The following CPA6 variants were observed in gnomAD, a reference collection of about 807,000 sequenced individuals.
CPA6 encodes carboxypeptidase A6, also known as carboxypeptidase B.
CPA6 carries 58 observed loss-of-function variants against 63.3 expected under a neutral mutation model. That is an observed-to-expected ratio of 0.92 (90% CI 0.74 to 1.14). The LOEUF (loss-of-function observed/expected upper bound fraction) is 1.14, where lower values mean the gene tolerates loss of function less well. Among genes scored for constraint, CPA6 ranks in the 50% most tolerant of loss-of-function variants. The pLI is 0.00. For missense variants in CPA6, 565 were observed against 526.6 expected (o/e 1.07, Z -0.71); for synonymous variants, 185 against 179.0 (o/e 1.03, Z -0.27).
chr8:67,708,158 G>A (rs1817177487), intron 1 of CPA6, among the ~76,000 whole-genome samples: 1 of 152,098 alleles, frequency 6.6e-6, no homozygotes, highest in African/African-American at 2.4e-5. Context: ...GCTTTAAAAA[G>A]TCTTATGTGA....
intron 8 of CPA6, among the ~76,000 whole-genome samples, chr8:67,468,326 T>C (rs962739974): frequency 6.6e-6 from 1 of 151,974 alleles, no homozygotes; most frequent in Non-Finnish European, 1.5e-5. Flanking sequence ...GGCACACCTG[T>C]AATCCCAGCA....
intron 2 of CPA6, among the ~76,000 whole-genome samples, chr8:67,521,538 A>C (rs1205752823): frequency 6.6e-6 from 1 of 152,226 alleles, no homozygotes; most frequent in South Asian, 2.1e-4. Flanking sequence ...ACTGTTTCTT[A>C]TTATTGCTAT....
intron 1 of CPA6, among the ~76,000 whole-genome samples, chr8:67,712,911 C>A (rs1451303052): frequency 6.6e-6 from 1 of 151,566 alleles, no homozygotes; most frequent in Non-Finnish European, 1.5e-5. Flanking sequence ...TTATTAGGTC[C>A]ACTGTATTAC....
At chr8:67,429,983 A>C (rs1033024012) in intron 9 of CPA6, among the ~76,000 whole-genome samples, 3 of 152,038 alleles carry the variant, frequency 2.0e-5, no homozygotes, top group East Asian at 1.9e-4. Context: ...TTTTCCAAGA[A>C]TTATTTTCCA....
intron 2 of CPA6, among the ~76,000 whole-genome samples, chr8:67,545,668 C>G (rs1182134066): frequency 6.8e-6 from 1 of 147,314 alleles, no homozygotes; most frequent in Non-Finnish European, 1.5e-5. Flanking sequence ...TGGGTTCAAG[C>G]AATTCTGCCT....
intron 2 of CPA6, among the ~76,000 whole-genome samples, chr8:67,616,501 ATG>A (rs4009134): frequency 0.19 from 23,904 of 126,442 alleles, 1,865 homozygotes; most frequent in South Asian, 0.22. Flanking sequence ...GGCAAATTGA[ATG>A]TGTGTGTGTG....
chr8:67,474,074 G>A (rs1207563871), intron 8 of CPA6, among the ~76,000 whole-genome samples: 1 of 152,152 alleles, frequency 6.6e-6, no homozygotes, highest in Non-Finnish European at 1.5e-5. Context: ...ATGGTAGCAG[G>A]CAGTAGGACC....
At chr8:67,687,900 C>T (rs965172183) in intron 1 of CPA6, among the ~76,000 whole-genome samples, 4 of 152,162 alleles carry the variant, frequency 2.6e-5, no homozygotes, top group Admixed American at 2.0e-4. Flanking sequence ...TTTAATACTA[C>T]AGTCAGCCCT....
chr8:67,727,316 A>G (rs1424313262), intron 1 of CPA6, among the ~76,000 whole-genome samples: 1 of 152,164 alleles, frequency 6.6e-6, no homozygotes, highest in African/African-American at 2.4e-5. Context: ...TGGGGCTCAC[A>G]GAATACCCCA....
intron 1 of CPA6, among the ~76,000 whole-genome samples, chr8:67,717,538 T>C (rs369591813): frequency 2.0e-5 from 3 of 152,236 alleles, no homozygotes; most frequent in African/African-American, 7.2e-5. Context: ...CCATATGGTG[T>C]ATATTCTTTG....
intron 2 of CPA6, among the ~76,000 whole-genome samples, chr8:67,531,643 T>G (rs1248557905): frequency 6.6e-6 from 1 of 152,154 alleles, no homozygotes; most frequent in Non-Finnish European, 1.5e-5. Flanking sequence ...ACTAATAATC[T>G]GAATGCATCC....
chr8:67,459,930 G>A, intron 8 of CPA6, among the ~76,000 whole-genome samples: 1 of 152,142 alleles, frequency 6.6e-6, no homozygotes, highest in East Asian at 1.9e-4. Flanking sequence ...CATGTGTAGG[G>A]GCAGTAGGTA....
At chr8:67,484,109 G>A (rs1406693214) in intron 7 of CPA6, among the ~76,000 whole-genome samples, 4 of 150,588 alleles carry the variant, frequency 2.7e-5, no homozygotes, top group African/African-American at 4.9e-5. Context: ...TCGCTCTATC[G>A]CCCTGGCTGG....
intron 1 of CPA6, among the ~76,000 whole-genome samples, chr8:67,689,911 T>C (rs1816782062): frequency 6.6e-6 from 1 of 152,224 alleles, no homozygotes; most frequent in Non-Finnish European, 1.5e-5. Context: ...AAGCATTCCC[T>C]TTTCTCTACA....
At chr8:67,446,239 T>G (rs192977549) in intron 8 of CPA6, among the ~76,000 whole-genome samples, 1 of 149,554 alleles carries the variant, frequency 6.7e-6, no homozygotes, top group Non-Finnish European at 1.5e-5. Flanking sequence ...CACTCCAGCC[T>G]GGGAGACAGA....
At position 67,441,867 on chromosome 8, in the gene CPA6, T is replaced by A. The variant is rs188836443; in HGVS notation, c.839-7627A>T. On this transcript the variant is annotated intron_variant, in intron 8 of 10. Transcript: ENST00000297770. ...TCTCTGACCCTTTTCCTTCACATCA[T>A]CCTTCTAGATGGACTTACAGAGCAT... Among the ~76,000 whole-genome samples the A allele has an allele frequency of 2.3e-3, 357 of 152,278 alleles. 1 individual carries two copies. Among genetic ancestry groups the A allele is most frequent in the African/African-American group, 8.4e-3 (347 of 41,556 alleles).
intron 3 of CPA6, among the ~76,000 whole-genome samples, chr8:67,512,126 G>GC (rs1291646708): frequency 2.6e-5 from 4 of 152,168 alleles, no homozygotes; most frequent in Non-Finnish European, 4.4e-5. Flanking sequence ...CCCTCTACTG[G>GC]TCAGTGCCAA....
At chr8:67,648,315 C>T (rs918304710) in intron 1 of CPA6, among the ~76,000 whole-genome samples, 7 of 130,498 alleles carry the variant, frequency 5.4e-5, no homozygotes, top group African/African-American at 1.8e-4. Flanking sequence ...TCCTTCATTC[C>T]GTGTATAAAA....
chr8:67,467,886 TAAAAAAA>T (rs539603315), intron 8 of CPA6, among the ~76,000 whole-genome samples: 1 of 109,776 alleles, frequency 9.1e-6, no homozygotes, highest in South Asian at 3.0e-4. Context: ...AAACCCCGTC[TAAAAAAA>T]AAAAAAAAAA....
Sources: gnomAD v4.1 joint callset for allele counts (sites outside exome capture counted in the v4.1 genomes callset) on GRCh38, gnomAD v4.1.1 for gene constraint, MANE v1.5 for transcripts, NCBI Gene and HGNC (gene_info 2026-07-23, HGNC 2026-07-21) for gene names.